NSUN3: variants seen among roughly 807,000 people sequenced by gnomAD.
The protein encoded by NSUN3 is NOP2/Sun RNA methyltransferase 3.
In NSUN3, 24 loss-of-function variants were observed where a neutral mutation model predicts 36.8. The observed-to-expected ratio is 0.65, with a 90% confidence interval of 0.47 to 0.92. The LOEUF (loss-of-function observed/expected upper bound fraction) is 0.92. Among genes scored for constraint, NSUN3 ranks in the 40% least tolerant of loss-of-function variants. The pLI, the probability that NSUN3 is intolerant of heterozygous loss-of-function variation, is 0.00. For synonymous variants in NSUN3, 146 were observed against 145.2 expected, an observed-to-expected ratio of 1.01 and a Z score of -0.04; for missense variants, 381 against 392.8, an observed-to-expected ratio of 0.97 and a Z score of 0.25.
chr3:94,094,156 T>A lies in NSUN3; in HGVS notation c.483T>A (p.Asn161Lys). 1.2e-6 allele frequency: 2 copies of A among 1,602,810 alleles called. No individual in the cohort carries two copies. The highest frequency in any genetic ancestry group is 1.7e-6 in the Non-Finnish European group (2 of 1,175,854). The change falls in exon 4 of 6, where the codon AAT (asparagine) becomes AAA (lysine). Residue 161 changes from asparagine (N) to lysine (K), a missense_variant. Coordinates refer to ENST00000314622, the MANE Select transcript of NSUN3 (RefSeq NM_022072.5). ...TTTATTTAGGTTATCTTCATTGTAA[T>A]GAATATGATAGTCTGAGATTGAGGT... is the stretch of plus-strand genomic sequence containing the variant. ...QCACPGYLHCNEYDSLRLRWL... is the reference protein window; with the variant it reads ...QCACPGYLHCKEYDSLRLRWL...
chr3:94,067,497 A>G (rs761358120), intron 2 of NSUN3, among the ~76,000 whole-genome samples: 5 of 152,046 alleles, frequency 3.3e-5, no homozygotes, highest in Non-Finnish European at 7.4e-5. Context: ...TGTCTTTGAG[A>G]CTCAACTACC....
chr3:94,121,444 A>C (rs1309845808), intron 5 of NSUN3, among the ~76,000 whole-genome samples: 1 of 152,236 alleles, frequency 6.6e-6, no homozygotes, highest in Non-Finnish European at 1.5e-5. Context: ...TCACATCTGC[A>C]CATAGCCTTT....
intron 5 of NSUN3, among the ~76,000 whole-genome samples, chr3:94,104,952 A>T (rs536978980): frequency 6.6e-6 from 1 of 152,232 alleles, no homozygotes; most frequent in Non-Finnish European, 1.5e-5. Flanking sequence ...AGAGTTTAAC[A>T]TCTTTTTTTC....
chr3:94,093,016 A>G (rs866869260), intron 3 of NSUN3, among the ~76,000 whole-genome samples: 1 of 151,926 alleles, frequency 6.6e-6, no homozygotes, highest in Non-Finnish European at 1.5e-5. Flanking sequence ...TGTGAGATAA[A>G]TAAGAGAAGT....
At chr3:94,093,374 C>T (rs115501027) in intron 3 of NSUN3, among the ~76,000 whole-genome samples, 243 of 151,486 alleles carry the variant, frequency 1.6e-3, no homozygotes, top group Non-Finnish European at 2.4e-3. Flanking sequence ...TGAGCAAAGG[C>T]TTTACAATGT....
At chr3:94,103,959 T>C (rs993765206) in intron 5 of NSUN3, among the ~76,000 whole-genome samples, 14 of 152,206 alleles carry the variant, frequency 9.2e-5, no homozygotes. Context: ...AATCTTCTCA[T>C]AAACATGTAG....
intron 3 of NSUN3, among the ~76,000 whole-genome samples, chr3:94,092,183 A>G (rs973777508): frequency 1.3e-4 from 20 of 152,292 alleles, no homozygotes; most frequent in African/African-American, 4.6e-4. Flanking sequence ...AATGAGAGAA[A>G]GAGACAAAAA....
intron 2 of NSUN3, among the ~76,000 whole-genome samples, chr3:94,081,086 G>A (rs956958422): frequency 3.9e-5 from 6 of 152,192 alleles, no homozygotes; most frequent in African/African-American, 1.4e-4. Flanking sequence ...ATAGACCATG[G>A]GGAAAGCGTG....
At position 94,127,735 on chromosome 3, in the gene NSUN3, G is replaced by A. The variant is rs999047237; in HGVS notation, c.*1245G>A. 13 of 152,044 alleles carry A rather than the reference G, an allele frequency of 8.6e-5. No homozygotes were observed. Among genetic ancestry groups the A allele is most frequent in the African/African-American group, 3.1e-4 (13 of 41,396 alleles). The allele number at this position is 152,044 out of a possible 1,614,324, so 9.4% of individuals were successfully genotyped here. A position where few individuals can be genotyped will look rare whatever the true frequency, so the allele number is the denominator to read the frequency against. ...TATAGAAATACAAAATTCTGCTAAAGCTGAATACTTTTGAATTGTTCATTA... is the reference window on the plus strand; with the variant it reads ...TATAGAAATACAAAATTCTGCTAAAACTGAATACTTTTGAATTGTTCATTA... On this transcript the variant is annotated 3_prime_UTR_variant, in exon 6 of 6. Coordinates refer to ENST00000314622, the MANE Select transcript of NSUN3 (RefSeq NM_022072.5).
At chr3:94,063,309 G>GT in intron 1 of NSUN3, 171 bp downstream of exon 1, 1 of 695,880 alleles carries the variant, frequency 1.4e-6, no homozygotes, top group Admixed American at 2.2e-5. Flanking sequence ...GCTGAGTGCT[G>GT]TAATGCTGAG....
intron 2 of NSUN3, among the ~76,000 whole-genome samples, chr3:94,078,735 A>T (rs2077256463): frequency 6.6e-6 from 1 of 152,122 alleles, no homozygotes; most frequent in South Asian, 2.1e-4. Flanking sequence ...AGTCTGTTTT[A>T]TCAGAGATTA....
chr3:94,115,990 G>C (rs904859802), intron 5 of NSUN3, among the ~76,000 whole-genome samples: 13 of 152,102 alleles, frequency 8.5e-5, no homozygotes, highest in Admixed American at 3.3e-4. Context: ...ATAACTGTCA[G>C]TGTTTTAAGA....
intron 5 of NSUN3, among the ~76,000 whole-genome samples, chr3:94,118,553 A>G (rs1028740605): frequency 6.6e-6 from 1 of 152,158 alleles, no homozygotes; most frequent in Non-Finnish European, 1.5e-5. Flanking sequence ...GACATTACTC[A>G]GGATCTTGTT....
chr3:94,106,558 A>G (rs1161999436), intron 5 of NSUN3, among the ~76,000 whole-genome samples: 1 of 152,232 alleles, frequency 6.6e-6, no homozygotes, highest in East Asian at 1.9e-4. Context: ...AGATTCTTAT[A>G]GTACCCTGAA....
chr3:94,090,796 T>A (rs544918037), intron 3 of NSUN3, among the ~76,000 whole-genome samples: 5 of 152,286 alleles, frequency 3.3e-5, no homozygotes, highest in African/African-American at 1.2e-4. Context: ...AAGAACATTT[T>A]CTTAACATGA....
At chr3:94,093,550 A>G (rs2077325155) in intron 3 of NSUN3, among the ~76,000 whole-genome samples, 1 of 151,546 alleles carries the variant, frequency 6.6e-6, no homozygotes, top group Non-Finnish European at 1.5e-5. Flanking sequence ...AATAACCCCT[A>G]GAGACCTGAT....
At position 94,095,019 on chromosome 3, in the gene NSUN3, T is replaced by G. The variant is rs2107255768; in HGVS notation, c.622-14T>G. ...TCAGTGCATATTTGCATCACTTGTC[T>G]TTTTTTTCTCTAGGTGTTAGTGGAT... On this transcript the variant is annotated splice_polypyrimidine_tract_variant and intron_variant, in intron 4 of 5. Coordinates refer to ENST00000314622, the MANE Select transcript of NSUN3 (RefSeq NM_022072.5). 6.2e-7 allele frequency: 1 copy of G among 1,611,264 alleles called. No homozygotes were observed. The highest frequency in any genetic ancestry group is 2.2e-5 in the East Asian group (1 of 44,806).
chr3:94,081,797 G>T (rs1214671759), intron 2 of NSUN3: 1 of 152,124 alleles, frequency 6.6e-6, no homozygotes, highest in Admixed American at 6.5e-5. Flanking sequence ...TGGAAAAATT[G>T]ACTGCAATAA....
intron 2 of NSUN3, among the ~76,000 whole-genome samples, chr3:94,078,288 C>T (rs964045715): frequency 6.6e-6 from 1 of 152,184 alleles, no homozygotes; most frequent in African/African-American, 2.4e-5. Context: ...AATTTGATTT[C>T]ACTGTGTTCT....
Sources: allele counts gnomAD v4.1 joint callset (sites outside exome capture counted in the v4.1 genomes callset), GRCh38; gene constraint gnomAD v4.1.1; transcripts MANE v1.5; gene names NCBI Gene and HGNC (gene_info 2026-07-23, HGNC 2026-07-21).